The following ANAPC5 variants were observed in gnomAD, a reference collection of about 807,000 sequenced individuals.
ANAPC5 encodes anaphase-promoting complex subunit 5.
Under a neutral mutation model 91.3 loss-of-function variants are expected in ANAPC5, and 60 were observed. That is an observed-to-expected ratio of 0.66 (90% CI 0.53 to 0.81). ANAPC5 has a LOEUF of 0.81. ANAPC5 is among the 40% of genes least tolerant of loss of function. The pLI is 0.00. For synonymous variants in ANAPC5, 340 were observed against 364.1 expected (o/e 0.93, Z 0.75); for missense variants, 690 against 931.5 (o/e 0.74, Z 3.37).
rs1363851983 is a variant in ANAPC5, at chr12:121,342,963, GT to G, written c.591-895del. Among the ~76,000 whole-genome samples, 2 of 152,120 alleles carry G rather than the reference GT, an allele frequency of 1.3e-5. No individual in the cohort carries two copies. The highest frequency in any genetic ancestry group is 4.8e-5 in the African/African-American group (2 of 41,422). On this transcript the variant is annotated intron_variant, in intron 4 of 16. Transcript: ENST00000261819. The surrounding 1 kb of genome is among the most constrained non-coding windows in gnomAD (Gnocchi z 4.1). ...TAAAATAAAAAGGTTCTCTAACAAA[GT>G]AATTTCTTTTAGACAAAGAATTATA...
chr12:121,337,036 G>A (rs1435229607), intron 6 of ANAPC5, among the ~76,000 whole-genome samples: 2 of 152,146 alleles, frequency 1.3e-5, no homozygotes, highest in Admixed American at 6.5e-5. Context: ...TGGCCAACAT[G>A]GTGAAACCCC....
At chr12:121,308,795 T>G in intron 16 of ANAPC5, 104 bp from the exon 17 acceptor site, 3 of 925,814 alleles carry the variant, frequency 3.2e-6, no homozygotes, top group Non-Finnish European at 5.2e-6. Context: ...ACCAGAAGAT[T>G]CTTTTATATT....
upstream of ANAPC5, among the ~76,000 whole-genome samples, chr12:121,353,732 G>A (rs1555275762): frequency 1.3e-5 from 2 of 151,984 alleles, no homozygotes; most frequent in South Asian, 2.1e-4. Flanking sequence ...GAGCCACCGC[G>A]CCCGGCCTGC....
intron 7 of ANAPC5, chr12:121,332,835 T>C (rs1209173354): frequency 4.6e-5 from 7 of 152,168 alleles, no homozygotes; most frequent in Admixed American, 3.9e-4. Context: ...TGTCTACCCA[T>C]TGATAATATT....
chr12:121,317,031 A>C (rs1902393162), intron 15 of ANAPC5, among the ~76,000 whole-genome samples: 1 of 152,172 alleles, frequency 6.6e-6, no homozygotes, highest in Non-Finnish European at 1.5e-5. Context: ...AACTGTTCAG[A>C]ATAGGCAAAC....
rs1042463884 is a variant in ANAPC5 at position 121,348,029 on chromosome 12, A to G, written c.208-148T>C. 122 of 616,484 alleles carry G rather than the reference A, an allele frequency of 2.0e-4. 1 individual carries two copies. Among genetic ancestry groups the G allele is most frequent in the Non-Finnish European group, 5.7e-5 (20 of 351,572 alleles). The allele number at this position is 616,484 out of a possible 1,614,324, so 38.2% of individuals were successfully genotyped here. A position where few individuals can be genotyped will look rare whatever the true frequency, so the allele number is the denominator to read the frequency against. ...GATTTTTCTATCTACCTAAAACACT[A>G]AAGTAATACTTCACATTTGCATACC... On this transcript the variant is annotated intron_variant, in intron 1 of 16. Transcript: ENST00000261819.
intron 5 of ANAPC5, among the ~76,000 whole-genome samples, chr12:121,341,055 C>A (rs1184811872): frequency 1.3e-5 from 2 of 151,494 alleles, no homozygotes; most frequent in Non-Finnish European, 2.9e-5. Context: ...TTGGGCTGGG[C>A]GTGGTGGCTC....
intron 7 of ANAPC5, chr12:121,334,984 G>C (rs1203960023): frequency 2.6e-5 from 4 of 151,154 alleles, no homozygotes; most frequent in African/African-American, 9.8e-5. Flanking sequence ...TTCATAAACT[G>C]TTCCAGTGCC....
chr12:121,308,409 T>A lies in ANAPC5; in HGVS notation c.*71A>T, dbSNP rs1244170024. ...TAGGGTGTCACAAATACATCATTTA[T>A]AGGGAGAGAGGGGACATGAACAAGT... On this transcript the variant is annotated 3_prime_UTR_variant, in exon 17 of 17. Transcript: ENST00000261819. 1.6e-6 allele frequency: 2 copies of A among 1,225,004 alleles called. No individual in the cohort carries two copies. The highest frequency in any genetic ancestry group is 2.4e-6 in the Non-Finnish European group (2 of 838,782). The allele number at this position is 1,225,004 out of a possible 1,614,324, so 75.9% of individuals were successfully genotyped here. A position where few individuals can be genotyped will look rare whatever the true frequency, so the allele number is the denominator to read the frequency against.
In ANAPC5 at chr12:121,319,724, G is replaced by C. The variant is rs1246857077; in HGVS notation, c.1610C>G (p.Ala537Gly). Residue 537 changes from alanine (A) to glycine (G), a missense_variant, in exon 13 of 17, where the codon GCT becomes GGT. This residue lies in a region of ANAPC5 where 317 missense variants were observed against 438.7 expected (regional missense o/e 0.72). Transcript: ENST00000261819. ...LADSLVTGIT[A>G]LNSIEGVYRK... ...ATAAACACCCTCTATGCTATTGAGA[G>C]CTGTGATTCCTGTAACAAGTGAATC... 1.9e-6 allele frequency: 3 copies of C among 1,612,274 alleles called. No homozygotes were observed. The highest frequency in any genetic ancestry group is 2.5e-6 in the Non-Finnish European group (3 of 1,179,514).
At chr12:121,319,661 T>C in intron 13 of ANAPC5, 36 bp downstream of exon 13, 1 of 1,573,298 alleles carries the variant, frequency 6.4e-7, no homozygotes, top group Non-Finnish European at 8.6e-7. Flanking sequence ...TTAACAATTA[T>C]TTTATTCTGG....
At chr12:121,324,406 AAC>A (rs1902731503) in intron 11 of ANAPC5, among the ~76,000 whole-genome samples, 1 of 152,188 alleles carries the variant, frequency 6.6e-6, no homozygotes, top group Non-Finnish European at 1.5e-5. Context: ...AAGGCTTCCT[AAC>A]ACAGCCTGGC....
At chr12:121,354,081 C>T (rs1324188679), upstream of ANAPC5, among the ~76,000 whole-genome samples, 2 of 151,474 alleles carry the variant, frequency 1.3e-5, no homozygotes, top group Non-Finnish European at 2.9e-5. Context: ...CTCTACCTCC[C>T]GGGTTCAAGC....
At chr12:121,330,809 GAATCTCAAT>G (rs1903014667) in intron 8 of ANAPC5, 137 bp from the exon 9 acceptor site, 2 of 644,032 alleles carry the variant, frequency 3.1e-6, no homozygotes, top group South Asian at 3.8e-5. Context: ...GAAATATCAA[GAATCTCAAT>G]GAGACCTGTC....
chr12:121,328,139 A>G lies in ANAPC5; in HGVS notation c.1304+177T>C, dbSNP rs139133202. 3.8e-4 allele frequency: 227 copies of G among 592,048 alleles called. 2 individuals carry two copies. In the East Asian group the frequency reaches 5.6e-3, roughly 15 times the overall value. The allele number at this position is 592,048 out of a possible 1,614,324, so 36.7% of individuals were successfully genotyped here. On this transcript the variant is annotated intron_variant, in intron 10 of 16. Transcript: ENST00000261819. ...AGTAAGAAGGAACATGCATGGGAAA[A>G]AAGTTTTCAGTCTGTGCAAAATACA...
chr12:121,352,179 G>A lies in ANAPC5; in HGVS notation c.162C>T (p.Leu54=). 6.2e-7 allele frequency: 1 copy of A among 1,613,042 alleles called. No homozygotes were observed. Among genetic ancestry groups the A allele is most frequent in the Non-Finnish European group, 8.5e-7 (1 of 1,179,210 alleles). The part of the protein sequence containing the change: ...MSRTGEGAVS[L]MERRRLNQLL... The stretch of plus-strand genomic sequence containing the variant: ...GCTGGTTGAGCCTCCGCCGCTCCAT[G>A]AGGCTGACGGCGCCCTCGCCTGTGC... The change falls in exon 1 of 17, where the codon CTC becomes CTT. Residue 54 remains leucine, a synonymous_variant. Transcript: ENST00000261819.
chr12:121,324,832 T>C (rs1902749943), intron 11 of ANAPC5, among the ~76,000 whole-genome samples: 1 of 152,108 alleles, frequency 6.6e-6, no homozygotes, highest in Non-Finnish European at 1.5e-5. Context: ...CAGTGAGCTA[T>C]GATTGTGCCA....
chr12:121,344,923 C>A (rs1555274513), intron 4 of ANAPC5, among the ~76,000 whole-genome samples: 1 of 152,202 alleles, frequency 6.6e-6, no homozygotes, highest in African/African-American at 2.4e-5. Context: ...CAGAAAAGTG[C>A]TGGGATCTGA....
intron 1 of ANAPC5, 88 bp downstream of exon 1, chr12:121,352,046 A>C (rs1903911582): frequency 8.1e-7 from 1 of 1,238,474 alleles, no homozygotes; most frequent in Non-Finnish European, 1.1e-6. Flanking sequence ...TCTGATGGAC[A>C]CGAGTGTCCC....
Sources: allele counts gnomAD v4.1 joint callset (sites outside exome capture counted in the v4.1 genomes callset), GRCh38; gene constraint gnomAD v4.1.1; regional missense constraint gnomAD v4.1.1; non-coding constraint Gnocchi (gnomAD v3.1); transcripts MANE v1.5; gene names NCBI Gene and HGNC (gene_info 2026-07-23, HGNC 2026-07-21).